The following FLVCR2 variants were observed in gnomAD, a reference collection of about 807,000 sequenced individuals.
FLVCR2 encodes the protein choline/ethanolamine transporter FLVCR2.
A neutral mutation model predicts 48.9 loss-of-function variants in FLVCR2; 38 were observed. That is an observed-to-expected ratio of 0.78 (90% confidence interval 0.60 to 1.02). The LOEUF is 1.02. FLVCR2 is among the 50% of genes least tolerant of loss of function. FLVCR2 has a pLI of 0.00. For missense variants in FLVCR2, 664 were observed against 663.3 expected (o/e 1.00, Z -0.01); for synonymous variants, 255 against 257.0 (o/e 0.99, Z 0.07).
chr14:75,628,616 C>A (rs992721290), intron 3 of FLVCR2, among the ~76,000 whole-genome samples: 2 of 152,186 alleles, frequency 1.3e-5, no homozygotes, highest in Non-Finnish European at 2.9e-5. Flanking sequence ...ATGTACTGGA[C>A]ATGGGTGGAC....
chr14:75,640,650 C>T (rs1325046718), intron 6 of FLVCR2: 56 of 427,394 alleles, frequency 1.3e-4, no homozygotes, highest in Non-Finnish European at 3.5e-5. Flanking sequence ...AGGTTGAACA[C>T]ACCAGGCATC....
intron 5 of FLVCR2, among the ~76,000 whole-genome samples, chr14:75,637,592 G>T (rs897505380): frequency 1.3e-5 from 2 of 152,022 alleles, no homozygotes; most frequent in African/African-American, 4.8e-5. Context: ...TTAGCCAGGC[G>T]TGGTGGCGGG....
At chr14:75,590,541 G>A (rs1953078893) in intron 1 of FLVCR2, among the ~76,000 whole-genome samples, 1 of 152,212 alleles carries the variant, frequency 6.6e-6, no homozygotes, top group Non-Finnish European at 1.5e-5. Flanking sequence ...GCAGTCCCCA[G>A]TATTGGAGGT....
intron 5 of FLVCR2, among the ~76,000 whole-genome samples, chr14:75,635,995 A>G (rs1320372332): frequency 6.6e-6 from 1 of 152,212 alleles, no homozygotes; most frequent in Non-Finnish European, 1.5e-5. Context: ...GGGTGCCTCC[A>G]TTCAGCAGCT....
At chr14:75,613,887 A>G (rs1889534009) in intron 1 of FLVCR2, among the ~76,000 whole-genome samples, 1 of 152,176 alleles carries the variant, frequency 6.6e-6, no homozygotes, top group Admixed American at 6.5e-5. Context: ...ATCCAAACCC[A>G]TCATGCCCCT....
At chr14:75,581,426 C>T (rs867351338) in intron 1 of FLVCR2, among the ~76,000 whole-genome samples, 2 of 152,048 alleles carry the variant, frequency 1.3e-5, no homozygotes, top group East Asian at 1.9e-4. Flanking sequence ...TTTAAAAGAC[C>T]GTTAGTCCAT....
In FLVCR2 at chr14:75,616,489, A is replaced by G. The variant is rs566904470; in HGVS notation, c.670-5590A>G. Among the ~76,000 whole-genome samples the G allele has an allele frequency of 3.3e-5, 5 of 152,242 alleles. No homozygotes were observed. The East Asian group carries it at 9.6e-4, about 29-fold the overall frequency. On this transcript the variant is annotated intron_variant, in intron 1 of 9. Coordinates refer to ENST00000238667, the MANE Select transcript of FLVCR2 (RefSeq NM_017791.3). ...TGGCTCAATAAAGGGATACATACAT[A>G]TATATATTTTTTAATTGATACATGG...
chr14:75,646,693 C>A lies in FLVCR2; in HGVS notation c.*221C>A. 1.8e-6 allele frequency: 1 copy of A among 569,234 alleles called. No individual in the cohort carries two copies. Among genetic ancestry groups the A allele is most frequent in the Non-Finnish European group, 3.3e-6 (1 of 306,772 alleles). 35.3% of individuals were successfully genotyped at this position (569,234 alleles called of 1,614,324 possible). A position where few individuals can be genotyped will look rare whatever the true frequency, so the allele number is the denominator to read the frequency against. On this transcript the variant is annotated 3_prime_UTR_variant, in exon 10 of 10. Coordinates refer to ENST00000238667, the MANE Select transcript of FLVCR2 (RefSeq NM_017791.3). Reference sequence around the variant, plus strand: ...TCACCAAATGCAAATTTGATTCCCACCTCCACCCCCTTTTAGGTTATGGGA... The same window carrying A: ...TCACCAAATGCAAATTTGATTCCCAACTCCACCCCCTTTTAGGTTATGGGA...
rs538250723 is a variant in FLVCR2 at position 75,643,936 on chromosome 14, G to GTC, written c.1509+2039_1509+2040dup. On this transcript the variant is annotated intron_variant, in intron 9 of 9. Transcript: ENST00000238667. ...AAATACAAAAATTAGCCAGGCTAGT[G>GTC]TCGCACGCTTGTAATCCCAGCTACT... Among the ~76,000 whole-genome samples, 14 of 152,120 alleles carry GTC rather than the reference G, an allele frequency of 9.2e-5. No individual in the cohort carries two copies. The South Asian group carries it at 2.9e-3, about 32-fold the overall frequency.
intron 1 of FLVCR2, among the ~76,000 whole-genome samples, chr14:75,579,974 TG>T (rs1227579157): frequency 1.3e-5 from 2 of 152,274 alleles, no homozygotes; most frequent in East Asian, 3.8e-4. Context: ...CAGCAGCCCC[TG>T]GGCATCAGAC....
At chr14:75,594,041 C>G (rs10136327) in intron 1 of FLVCR2, among the ~76,000 whole-genome samples, 1 of 152,118 alleles carries the variant, frequency 6.6e-6, no homozygotes. Context: ...ACCAGATATC[C>G]TAGTTCATCA....
intron 1 of FLVCR2, among the ~76,000 whole-genome samples, chr14:75,613,077 G>T (rs1281077256): frequency 6.6e-6 from 1 of 152,182 alleles, no homozygotes; most frequent in African/African-American, 2.4e-5. Context: ...TGTGGGCATG[G>T]GCAATGAGTG....
chr14:75,601,481 C>T (rs531777307), intron 1 of FLVCR2, among the ~76,000 whole-genome samples: 4 of 152,026 alleles, frequency 2.6e-5, no homozygotes, highest in Non-Finnish European at 5.9e-5. Context: ...CAAATCAAAA[C>T]CACTGTCAGA....
At chr14:75,640,136 G>GGA (rs1890273127) in intron 6 of FLVCR2, among the ~76,000 whole-genome samples, 1 of 151,858 alleles carries the variant, frequency 6.6e-6, no homozygotes, top group Admixed American at 6.6e-5. Flanking sequence ...GCACACACCT[G>GGA]TAGTCCCAGC....
chr14:75,628,847 G>C (rs1321872208), intron 3 of FLVCR2, among the ~76,000 whole-genome samples: 1 of 152,196 alleles, frequency 6.6e-6, no homozygotes, highest in Non-Finnish European at 1.5e-5. Flanking sequence ...GGAAGTGAAA[G>C]CTTTTAATGC....
intron 5 of FLVCR2, 60 bp from the exon 6 acceptor site, chr14:75,639,292 A>G (rs1163635445): frequency 1.2e-5 from 12 of 1,013,302 alleles, no homozygotes; most frequent in Non-Finnish European, 1.9e-5. Context: ...GGAATAAATG[A>G]ATGAATGAGC....
At chr14:75,627,198 G>A (rs896796311) in intron 3 of FLVCR2, among the ~76,000 whole-genome samples, 2 of 151,904 alleles carry the variant, frequency 1.3e-5, no homozygotes, top group African/African-American at 4.9e-5. Context: ...TTTTAATCCT[G>A]TACTTCTGGA....
At chr14:75,641,594 G>C (rs764844674) in intron 8 of FLVCR2, among the ~76,000 whole-genome samples, 5 of 152,132 alleles carry the variant, frequency 3.3e-5, no homozygotes, top group African/African-American at 1.2e-4. Context: ...GTGATGATTA[G>C]AGCAATGTGT....
chr14:75,641,834 C>G lies in FLVCR2; in HGVS notation c.1454-9C>G. The G allele has an allele frequency of 6.2e-7, 1 of 1,612,972 alleles. No individual in the cohort carries two copies. On this transcript the variant is annotated splice_polypyrimidine_tract_variant and intron_variant, in intron 8 of 9. Transcript: ENST00000238667. ...TTGTCTCTCTTCCTTCTCAATCTATCAACCTTAGCATTCATTAAGGCAGAT... is the reference window on the plus strand; with the variant it reads ...TTGTCTCTCTTCCTTCTCAATCTATGAACCTTAGCATTCATTAAGGCAGAT...
Sources: allele counts gnomAD v4.1 joint callset (sites outside exome capture counted in the v4.1 genomes callset), GRCh38; gene constraint gnomAD v4.1.1; transcripts MANE v1.5; gene names NCBI Gene and HGNC (gene_info 2026-07-23, HGNC 2026-07-21).